EIF4ENIF1: variants seen among roughly 807,000 people sequenced by gnomAD.
EIF4ENIF1 encodes eukaryotic translation initiation factor 4E transporter.
EIF4ENIF1 carries 23 observed loss-of-function variants against 110.5 expected under a neutral mutation model. That is an observed-to-expected ratio of 0.21 (90% CI 0.15 to 0.29). The LOEUF (loss-of-function observed/expected upper bound fraction) is 0.29, where lower values mean the gene tolerates loss of function less well. EIF4ENIF1 is among the 10% of genes least tolerant of loss of function. EIF4ENIF1 has a pLI of 1.00. For missense variants in EIF4ENIF1, 1,031 were observed against 1,221.1 expected (o/e 0.84, Z 2.32); for synonymous variants, 440 against 437.0 (o/e 1.01, Z -0.09).
chr22:31,472,061 G>A, intron 2 of EIF4ENIF1, 144 bp from the exon 3 acceptor site: 1 of 628,908 alleles, frequency 1.6e-6, no homozygotes, highest in Non-Finnish European at 2.6e-6. Flanking sequence ...AGAAAGGACT[G>A]GAGTACATTG....
chr22:31,467,572 C>A (rs566759221), intron 4 of EIF4ENIF1, among the ~76,000 whole-genome samples: 2 of 152,180 alleles, frequency 1.3e-5, no homozygotes, highest in East Asian at 3.9e-4. Context: ...TGCCTGTAAT[C>A]CCAGCATTTT....
At chr22:31,452,718 G>C (rs1412479796) in intron 10 of EIF4ENIF1, among the ~76,000 whole-genome samples, 1 of 152,146 alleles carries the variant, frequency 6.6e-6, no homozygotes, top group Non-Finnish European at 1.5e-5. Context: ...CTTTCAGTCT[G>C]ATCTTCATTT....
At position 31,462,924 on chromosome 22, in the gene EIF4ENIF1, G is replaced by C. The variant is rs868067028; in HGVS notation, c.787+8C>G. ...ACAGCGAACTTCCCTCCCAAAGTTTGAACTGACCTTCCTTCACAGAGGCTG... is the reference window on the plus strand; with the variant it reads ...ACAGCGAACTTCCCTCCCAAAGTTTCAACTGACCTTCCTTCACAGAGGCTG... On this transcript the variant is annotated splice_region_variant and intron_variant, in intron 6 of 18. Coordinates refer to ENST00000330125, the MANE Select transcript of EIF4ENIF1 (RefSeq NM_019843.4). The C allele has an allele frequency of 6.8e-6, 11 of 1,612,986 alleles. No homozygotes were observed. The Middle Eastern group carries it at 5.0e-4, about 73-fold the overall frequency.
chr22:31,464,267 T>C (rs1057208131), intron 4 of EIF4ENIF1: 1 of 295,768 alleles, frequency 3.4e-6, no homozygotes. Context: ...GCAAATGTTT[T>C]GTCAACTAAT....
At position 31,475,202 on chromosome 22, in the gene EIF4ENIF1, T is replaced by C. The variant is rs369198421; in HGVS notation, c.97-3285A>G. Among the ~76,000 whole-genome samples the C allele has an allele frequency of 1.3e-4, 20 of 152,260 alleles. No homozygotes were observed. The East Asian group carries it at 3.5e-3, about 26-fold the overall frequency. Reference sequence around the variant, plus strand: ...AACTGGATAGAAATACGAATAAAAATTTGTAAGACTGAGATAAACACAGTT... The same window carrying C: ...AACTGGATAGAAATACGAATAAAAACTTGTAAGACTGAGATAAACACAGTT... On this transcript the variant is annotated intron_variant, in intron 2 of 18. Transcript: ENST00000330125.
chr22:31,456,465 C>A (rs372764441), intron 7 of EIF4ENIF1, among the ~76,000 whole-genome samples: 1 of 151,802 alleles, frequency 6.6e-6, no homozygotes, highest in East Asian at 1.9e-4. Context: ...CCTTGTGATC[C>A]GCCCGCCTTG....
intron 2 of EIF4ENIF1, among the ~76,000 whole-genome samples, chr22:31,477,379 A>AAAAAG (rs2051623401): frequency 7.9e-6 from 1 of 126,620 alleles, no homozygotes; most frequent in South Asian, 2.6e-4. Context: ...AAAAAACAAA[A>AAAAAG]AAAACAAAAA....
downstream of EIF4ENIF1, chr22:31,437,189 C>T (rs1266341449): frequency 2.0e-5 from 3 of 152,234 alleles, no homozygotes; most frequent in African/African-American, 7.2e-5. Flanking sequence ...TCTTTCCTCT[C>T]CTACCTGACC....
At chr22:31,440,215 C>G in intron 18 of EIF4ENIF1, 94 bp from the exon 19 acceptor site, 5 of 1,573,256 alleles carry the variant, frequency 3.2e-6, no homozygotes, top group Non-Finnish European at 4.3e-6. Flanking sequence ...AAAGTCTTTA[C>G]TAGAGGATTT....
At chr22:31,443,579 T>C (rs1013553065) in intron 15 of EIF4ENIF1, among the ~76,000 whole-genome samples, 4 of 152,110 alleles carry the variant, frequency 2.6e-5, no homozygotes, top group Admixed American at 6.6e-5. Flanking sequence ...TCTACCTTGG[T>C]GATTTTATTA....
chr22:31,449,500 G>A lies in EIF4ENIF1; in HGVS notation c.1616C>T (p.Ala539Val), dbSNP rs772071055. The change falls in exon 12 of 19, where the codon GCT becomes GTT. Residue 539 changes from alanine (A) to valine (V), a missense_variant. This residue lies in a region of EIF4ENIF1 where 704 missense variants were observed against 879.7 expected (regional missense o/e 0.80). Transcript: ENST00000330125. ...AAGGCCACTCAGAAGATTGGAAGAA[G>A]CAGGTCTCTGAACTGGTTGACCCAG... is the stretch of plus-strand genomic sequence containing the variant. ...ELLGQPVQRP[A>V]SSNLLSGLMG... is the part of the protein sequence containing the mutation. The A allele has an allele frequency of 1.2e-6, 2 of 1,614,018 alleles. No homozygotes were observed. Among genetic ancestry groups the A allele is most frequent in the African/African-American group, 1.3e-5 (1 of 75,034 alleles).
chr22:31,465,068 A>C (rs1256256319), intron 4 of EIF4ENIF1, among the ~76,000 whole-genome samples: 1 of 152,126 alleles, frequency 6.6e-6, no homozygotes, highest in Non-Finnish European at 1.5e-5. Context: ...TCACGCCTGT[A>C]ATCCCAGCAC....
At chr22:31,472,650 C>T (rs937064917) in intron 2 of EIF4ENIF1, among the ~76,000 whole-genome samples, 2 of 152,064 alleles carry the variant, frequency 1.3e-5, no homozygotes, top group African/African-American at 2.4e-5. Context: ...ATTAACATTT[C>T]TCCCTATTTA....
intron 2 of EIF4ENIF1, among the ~76,000 whole-genome samples, chr22:31,486,332 C>T (rs911587824): frequency 2.6e-5 from 4 of 151,968 alleles, no homozygotes; most frequent in African/African-American, 4.8e-5. Flanking sequence ...GGTGTGGCAG[C>T]GTGCACCTGT....
intron 2 of EIF4ENIF1, among the ~76,000 whole-genome samples, chr22:31,488,022 G>A (rs774147130): frequency 2.6e-4 from 39 of 152,098 alleles, no homozygotes; most frequent in Non-Finnish European, 4.4e-4. Flanking sequence ...ATGTACTGAT[G>A]CAAGATCTTT....
chr22:31,451,544 G>T (rs988108832), intron 10 of EIF4ENIF1, among the ~76,000 whole-genome samples: 24 of 151,998 alleles, frequency 1.6e-4, no homozygotes, highest in Non-Finnish European at 2.9e-4. Context: ...AAAGTACTGG[G>T]ATTACAGGCA....
intron 15 of EIF4ENIF1, chr22:31,443,340 A>G (rs1601556702): frequency 2.6e-6 from 1 of 384,592 alleles, no homozygotes; most frequent in Non-Finnish European, 4.5e-6. Context: ...CCTCTGCGTC[A>G]CAGATTTCCC....
intron 2 of EIF4ENIF1, among the ~76,000 whole-genome samples, chr22:31,487,205 G>A (rs986548126): frequency 6.6e-6 from 1 of 152,192 alleles, no homozygotes; most frequent in Non-Finnish European, 1.5e-5. Context: ...AGGTTTGAGA[G>A]AAAATATATT....
Position 31,488,683 on chromosome 22 carries a change from T to C in EIF4ENIF1, c.36A>G (p.Gly12=), listed in dbSNP as rs2052137962. The C allele has an allele frequency of 6.2e-7, 1 of 1,614,154 alleles. No homozygotes were observed. The highest frequency in any genetic ancestry group is 1.1e-5 in the South Asian group (1 of 91,088). Reference sequence around the variant, plus strand: ...GCTTCTTCAGGTCAAGGAAAGCATCTCCACTTTCTGTTTCACCCATACTTC... The same window carrying C: ...GCTTCTTCAGGTCAAGGAAAGCATCCCCACTTTCTGTTTCACCCATACTTC... ...DRRSMGETES[G]DAFLDLKKPP... Residue 12 remains glycine, a synonymous_variant, in exon 2 of 19, where the codon GGA becomes GGG. Coordinates refer to ENST00000330125, the MANE Select transcript of EIF4ENIF1 (RefSeq NM_019843.4).
Sources: gnomAD v4.1 joint callset for allele counts (sites outside exome capture counted in the v4.1 genomes callset) on GRCh38, gnomAD v4.1.1 for gene constraint, gnomAD v4.1.1 regional missense constraint, MANE v1.5 for transcripts, NCBI Gene and HGNC (gene_info 2026-07-23, HGNC 2026-07-21) for gene names.